OPHN1: variants seen among roughly 807,000 people sequenced by gnomAD.
OPHN1 encodes the protein oligophrenin 1, also known as oligophrenin-1.
A neutral mutation model predicts 60.7 loss-of-function variants in OPHN1; 11 were observed. The ratio of observed to expected loss-of-function variants is 0.18; its 90% CI spans 0.11 to 0.30. The LOEUF is 0.30. OPHN1 is among the 10% of genes least tolerant of loss of function. The probability of loss-of-function intolerance (pLI) is 1.00; values close to 1 mark genes in which losing one functional copy is unlikely to be tolerated. For synonymous variants in OPHN1, 226 were observed against 222.6 expected, an observed-to-expected ratio of 1.02 and a Z score of -0.14; for missense variants, 449 against 611.0, an observed-to-expected ratio of 0.73 and a Z score of 2.80.
intron 9 of OPHN1, 107 bp from the exon 10 acceptor site, chrX:68,206,780 C>G (rs2077561369): frequency 4.8e-6 from 3 of 619,547 alleles, no homozygotes; most frequent in Non-Finnish European, 2.7e-6. Flanking sequence ...AGTCAAACTT[C>G]AGATCCAGCC....
At chrX:68,359,749 G>A (rs1451992084) in intron 2 of OPHN1, among the ~76,000 whole-genome samples, 1 of 108,332 alleles carries the variant, frequency 9.2e-6, no homozygotes, top group East Asian at 2.9e-4. Flanking sequence ...CCAGCTACTC[G>A]GGAGGTTGAG....
At chrX:68,380,957 G>A (rs1486676697) in intron 2 of OPHN1, among the ~76,000 whole-genome samples, 1 of 111,295 alleles carries the variant, frequency 9.0e-6, no homozygotes, top group Non-Finnish European at 1.9e-5. Context: ...AGTGACCTAA[G>A]GTTCCTGCCA....
At chrX:68,160,925 A>T (rs763783526) in intron 15 of OPHN1, among the ~76,000 whole-genome samples, 1 of 111,211 alleles carries the variant, frequency 9.0e-6, no homozygotes, top group Non-Finnish European at 1.9e-5. Flanking sequence ...AATTAATGAA[A>T]TAGAGAATCA....
chrX:68,258,165 G>A (rs1040280830), intron 5 of OPHN1, among the ~76,000 whole-genome samples: 1 of 110,443 alleles, frequency 9.1e-6, no homozygotes, highest in Non-Finnish European at 1.9e-5. Context: ...CCTGGGTCAT[G>A]GTCCATTCTA....
chrX:68,402,387 A>AGAG (rs2078719931), intron 2 of OPHN1, among the ~76,000 whole-genome samples: 5 of 105,302 alleles, frequency 4.7e-5, no homozygotes, highest in Admixed American at 2.1e-4. Flanking sequence ...AGAAGAGAGA[A>AGAG]AGAAGAGAAG....
rs1005219976 is a variant in OPHN1 at position 68,063,856 on chromosome X, T to A, written c.2156A>T (p.Glu719Val). 2 of 1,160,583 alleles carry A rather than the reference T, an allele frequency of 1.7e-6. No homozygotes were observed. The highest frequency in any genetic ancestry group is 3.6e-5 in the African/African-American group (2 of 55,538). Residue 719 changes from glutamate (E) to valine (V), a missense_variant and splice_region_variant, in exon 21 of 25, where the codon GAG becomes GTG. Physicochemically the swap from Glu to Val is moderately radical, Grantham distance 121. Coordinates refer to ENST00000355520, the MANE Select transcript of OPHN1 (RefSeq NM_002547.3). ...CCATGGGATTCCCAAGCACTTACCCTCCTTGTGGTGGGCCAGGGGCCGGGG... is the reference window on the plus strand; with the variant it reads ...CCATGGGATTCCCAAGCACTTACCCACCTTGTGGTGGGCCAGGGGCCGGGG... ...PAPRPLAHHK[E>V]GDADSFSKVR...
intron 15 of OPHN1, among the ~76,000 whole-genome samples, chrX:68,126,833 G>A (rs183337292): frequency 3.6e-5 from 4 of 112,067 alleles, no homozygotes; most frequent in African/African-American, 1.3e-4. Flanking sequence ...TTTTCCTCTA[G>A]GTTGGTCACT....
At chrX:68,421,613 T>C (rs182699925) in intron 2 of OPHN1, among the ~76,000 whole-genome samples, 228 of 111,640 alleles carry the variant, frequency 2.0e-3, no homozygotes, top group Admixed American at 4.2e-3. Context: ...ATACATAATA[T>C]ATATTTTTCC....
At chrX:68,110,523 G>A (rs971168801) in intron 18 of OPHN1, among the ~76,000 whole-genome samples, 1 of 111,687 alleles carries the variant, frequency 9.0e-6, no homozygotes, top group African/African-American at 3.3e-5. Flanking sequence ...TGTTATAGAT[G>A]CACAAACCTG....
chrX:68,111,148 C>T (rs768323642), intron 18 of OPHN1, among the ~76,000 whole-genome samples: 8 of 112,367 alleles, frequency 7.1e-5, no homozygotes, highest in Non-Finnish European at 9.4e-5. Flanking sequence ...AGTGACCTGT[C>T]CCTGGTCACA....
rs1203311090 is a variant in OPHN1 at position 68,206,733 on chromosome X, A to G, written c.833-60T>C. ...ACTATTTTAGCTGTATAGGAAGTCA[A>G]CCCTAAGATGGAAGCTATTTACACA... On this transcript the variant is annotated intron_variant, in intron 9 of 24. Coordinates refer to ENST00000355520, the MANE Select transcript of OPHN1 (RefSeq NM_002547.3). The G allele has an allele frequency of 1.5e-5, 13 of 875,138 alleles. No individual in the cohort carries two copies. The African/African-American group carries it at 1.6e-4, about 11-fold the overall frequency. 72.1% of individuals were successfully genotyped at this position (875,138 alleles called of 1,213,427 possible). A position where few individuals can be genotyped will look rare whatever the true frequency, so the allele number is the denominator to read the frequency against.
At chrX:68,118,511 C>T (rs987828006) in intron 16 of OPHN1, among the ~76,000 whole-genome samples, 1 of 111,767 alleles carries the variant, frequency 8.9e-6, no homozygotes, top group African/African-American at 3.2e-5. Flanking sequence ...ATGTATCAAT[C>T]TTAATGGCTC....
intron 2 of OPHN1, among the ~76,000 whole-genome samples, chrX:68,307,415 C>T (rs1000985278): frequency 3.8e-5 from 4 of 104,356 alleles, no homozygotes; most frequent in Non-Finnish European, 5.8e-5. Flanking sequence ...GATCACATGC[C>T]ATTGCACTTC....
Position 68,052,621 on chromosome X carries a change from G to A in OPHN1, c.2325-31C>T, listed in dbSNP as rs766044274. ...AACAGAAGCCAACCAAGTCCCATAA[G>A]TTGCTTTGGTATACACGTGAGAACC... On this transcript the variant is annotated intron_variant, in intron 22 of 24. Coordinates refer to ENST00000355520, the MANE Select transcript of OPHN1 (RefSeq NM_002547.3). 9 of 1,187,402 alleles carry A rather than the reference G, an allele frequency of 7.6e-6. No individual in the cohort carries two copies. The South Asian group carries it at 1.6e-4, about 22-fold the overall frequency.
intron 19 of OPHN1, among the ~76,000 whole-genome samples, chrX:68,084,736 G>A (rs997073061): frequency 3.6e-5 from 4 of 111,571 alleles, no homozygotes; most frequent in African/African-American, 1.3e-4. Flanking sequence ...ACAGGGTGTT[G>A]TCCACATGCC....
intron 2 of OPHN1, among the ~76,000 whole-genome samples, chrX:68,345,806 T>C (rs189288204): frequency 8.9e-6 from 1 of 112,885 alleles, no homozygotes; most frequent in Non-Finnish European, 1.9e-5. Context: ...TATTCTCCAG[T>C]ATTTCTACAA....
At chrX:68,202,717 G>A (rs901340314) in intron 10 of OPHN1, among the ~76,000 whole-genome samples, 5 of 108,970 alleles carry the variant, frequency 4.6e-5, no homozygotes, top group East Asian at 3.0e-4. Flanking sequence ...GGGTGGTCTC[G>A]AACTCCTGAC....
intron 3 of OPHN1, among the ~76,000 whole-genome samples, chrX:68,287,068 AAAGGAAGG>A (rs199811542): frequency 9.7e-6 from 1 of 102,627 alleles, no homozygotes; most frequent in African/African-American, 3.7e-5. Flanking sequence ...AGAAAGGAAG[AAAGGAAGG>A]AAGGAAGGAA....
intron 18 of OPHN1, among the ~76,000 whole-genome samples, chrX:68,109,291 T>G (rs914075595): frequency 9.0e-6 from 1 of 111,350 alleles, no homozygotes; most frequent in African/African-American, 3.3e-5. Flanking sequence ...TTGTGTCTTG[T>G]TTTTTTTCAC....
Sources: gnomAD v4.1 joint callset for allele counts (sites outside exome capture counted in the v4.1 genomes callset) on GRCh38, gnomAD v4.1.1 for gene constraint, MANE v1.5 for transcripts, NCBI Gene and HGNC (gene_info 2026-07-23, HGNC 2026-07-21) for gene names.